Variants in RSPO1 observed in about 807,000 individuals in gnomAD.
The protein encoded by RSPO1 is R-spondin 1.
RSPO1 carries 18 observed loss-of-function variants against 26.0 expected under a neutral mutation model. That is an observed-to-expected ratio of 0.69 (90% confidence interval 0.48 to 1.03). RSPO1 has a LOEUF of 1.03. Among genes scored for constraint, RSPO1 ranks in the 50% least tolerant of loss-of-function variants. The probability of loss-of-function intolerance (pLI) is 0.00; values close to 1 mark genes in which losing one functional copy is unlikely to be tolerated. For missense variants in RSPO1, 309 were observed against 352.3 expected, an observed-to-expected ratio of 0.88 and a Z score of 0.98; for synonymous variants, 133 against 137.4, an observed-to-expected ratio of 0.97 and a Z score of 0.22.
At chr1:37,619,421 C>T (rs1425357284) in intron 3 of RSPO1, among the ~76,000 whole-genome samples, 1 of 152,268 alleles carries the variant, frequency 6.6e-6, no homozygotes, top group African/African-American at 2.4e-5. Flanking sequence ...TCCTGGATGT[C>T]GTGTGCTTCC....
chr1:37,616,466 A>G lies in RSPO1; in HGVS notation c.286+18T>C. On this transcript the variant is annotated intron_variant, in intron 4 of 6. Coordinates refer to ENST00000356545, the MANE Select transcript of RSPO1 (RefSeq NM_001242908.2). ...GCTTCTAATGCCCCCTGCCCCCGAC[A>G]GCCCTGCCCACACTCACTGATGCAC... The G allele has an allele frequency of 6.2e-7, 1 of 1,613,122 alleles. No individual in the cohort carries two copies. The highest frequency in any genetic ancestry group is 1.1e-5 in the South Asian group (1 of 91,034).
intron 3 of RSPO1, among the ~76,000 whole-genome samples, chr1:37,623,753 T>C (rs1570113174): frequency 6.8e-6 from 1 of 147,984 alleles, no homozygotes; most frequent in Non-Finnish European, 1.5e-5. Context: ...ATATATTCTC[T>C]CTCCCTCTCT....
intron 3 of RSPO1, among the ~76,000 whole-genome samples, chr1:37,618,357 G>T (rs1644149041): frequency 6.6e-6 from 1 of 152,214 alleles, no homozygotes; most frequent in South Asian, 2.1e-4. Flanking sequence ...CTCTCTGAGG[G>T]GGGACAGAGT....
chr1:37,613,559 C>G lies in RSPO1; in HGVS notation c.625+145G>C. The G allele has an allele frequency of 4.3e-6, 3 of 703,766 alleles. No homozygotes were observed. The highest frequency in any genetic ancestry group is 5.1e-6 in the Non-Finnish European group (2 of 392,146). The allele number at this position is 703,766 out of a possible 1,614,324, so 43.6% of individuals were successfully genotyped here. On this transcript the variant is annotated intron_variant, in intron 6 of 6. Transcript: ENST00000356545. The surrounding 1 kb of genome is among the most constrained non-coding windows in gnomAD (Gnocchi z 4.5). ...GCCAGGACATGGCATCTGGATTGGACAGCATGAGGTCTTGAGTTGCGGGTG... is the reference window on the plus strand; with the variant it reads ...GCCAGGACATGGCATCTGGATTGGAGAGCATGAGGTCTTGAGTTGCGGGTG...
rs77617384 is a variant in RSPO1, at chr1:37,615,798, A to G, written c.286+686T>C. ...TGGAGCTGTAGCTGTTGTGGAAATG[A>G]GGAGTCAGAAGACCAGGGAGAGAAG... On this transcript the variant is annotated intron_variant, in intron 4 of 6. Coordinates refer to ENST00000356545, the MANE Select transcript of RSPO1 (RefSeq NM_001242908.2). 3.5e-3 allele frequency among the ~76,000 whole-genome samples: 539 copies of G among 152,312 alleles called. 1 individual carries two copies. The highest frequency in any genetic ancestry group is 0.012 in the African/African-American group (508 of 41,558).
intron 2 of RSPO1, among the ~76,000 whole-genome samples, chr1:37,630,176 C>T (rs1241888640): frequency 6.6e-6 from 1 of 152,206 alleles, no homozygotes; most frequent in East Asian, 1.9e-4. Context: ...GACATTCAAA[C>T]CAAACTTGTG....
In RSPO1 at chr1:37,629,884, G is replaced by T; in HGVS notation, c.-223C>A. 1 of 1,550,072 alleles carries T rather than the reference G, an allele frequency of 6.5e-7. No homozygotes were observed. Among genetic ancestry groups the T allele is most frequent in the Non-Finnish European group, 8.7e-7 (1 of 1,146,428 alleles). ...GTCCTCAAAGAGAGACTTCCTCAAAGATACCTCGGAATATCATATGAGAGA... is the reference window on the plus strand; with the variant it reads ...GTCCTCAAAGAGAGACTTCCTCAAATATACCTCGGAATATCATATGAGAGA... On this transcript the variant is annotated 5_prime_UTR_variant, in exon 3 of 7. Coordinates refer to ENST00000356545, the MANE Select transcript of RSPO1 (RefSeq NM_001242908.2).
intron 3 of RSPO1, among the ~76,000 whole-genome samples, chr1:37,628,976 C>T (rs1037172224): frequency 7.2e-5 from 11 of 152,286 alleles, no homozygotes; most frequent in African/African-American, 2.6e-4. Context: ...CGGGCCAGAC[C>T]CCTGCCTGCT....
Position 37,629,617 on chromosome 1 carries a change from C to T in RSPO1, c.45G>A (p.Thr15=), listed in dbSNP as rs373246338. 362 of 1,613,984 alleles carry T rather than the reference C, an allele frequency of 2.2e-4. 1 individual carries two copies. The highest frequency in any genetic ancestry group is 2.8e-4 in the Non-Finnish European group (333 of 1,180,030). ...LCVVALVLSW[T]HLTISSRGIK... ...TCCCCCGGCTGCTGATGGTGAGGTG[C>T]GTCCAGCTCAGAACCAGGGCCACCA... The change falls in exon 3 of 7, where the codon ACG becomes ACA. Residue 15 remains threonine (T), a synonymous_variant. Coordinates refer to ENST00000356545, the MANE Select transcript of RSPO1 (RefSeq NM_001242908.2).
chr1:37,624,733 A>G (rs1644252431), intron 3 of RSPO1, among the ~76,000 whole-genome samples: 1 of 152,112 alleles, frequency 6.6e-6, no homozygotes, highest in African/African-American at 2.4e-5. Flanking sequence ...CATCCCCAGG[A>G]ATCTTTCTTA....
intron 1 of RSPO1, among the ~76,000 whole-genome samples, chr1:37,632,633 C>G (rs1375038625): frequency 2.0e-5 from 3 of 152,168 alleles, no homozygotes; most frequent in Non-Finnish European, 4.4e-5. Flanking sequence ...TTCTGATTTT[C>G]TAAAAGAGGA....
At position 37,629,899 on chromosome 1, in the gene RSPO1, C is replaced by A; in HGVS notation, c.-238G>T. 1 of 1,547,922 alleles carries A rather than the reference C, an allele frequency of 6.5e-7. No homozygotes were observed. Among genetic ancestry groups the A allele is most frequent in the Non-Finnish European group, 8.7e-7 (1 of 1,144,492 alleles). On this transcript the variant is annotated 5_prime_UTR_variant, in exon 3 of 7. It removes an upstream start codon present in the reference 5' UTR. Transcript: ENST00000356545. Reference sequence around the variant, plus strand: ...CTTCCTCAAAGATACCTCGGAATATCATATGAGAGATCTTTTTGTCACGTC... The same window carrying A: ...CTTCCTCAAAGATACCTCGGAATATAATATGAGAGATCTTTTTGTCACGTC...
In RSPO1 at chr1:37,613,141, C is replaced by G. The variant is rs74065180; in HGVS notation, c.626-220G>C. Reference sequence around the variant, plus strand: ...AGTACTGGGAGGCAGCCCAAGAGCCCTTTCACTCCCCAACCCTCAAGGCAC... The same window carrying G: ...AGTACTGGGAGGCAGCCCAAGAGCCGTTTCACTCCCCAACCCTCAAGGCAC... On this transcript the variant is annotated intron_variant, in intron 6 of 6. Coordinates refer to ENST00000356545, the MANE Select transcript of RSPO1 (RefSeq NM_001242908.2). This position sits in a 1 kb window ranked among gnomAD's most constrained non-coding sequence, Gnocchi z 4.5. Among the ~76,000 whole-genome samples, 1 of 152,322 alleles carries G rather than the reference C, an allele frequency of 6.6e-6. No individual in the cohort carries two copies. The highest frequency in any genetic ancestry group is 2.4e-5 in the African/African-American group (1 of 41,578).
intron 3 of RSPO1, among the ~76,000 whole-genome samples, chr1:37,621,386 G>A (rs1644200539): frequency 6.6e-6 from 1 of 152,216 alleles, no homozygotes; most frequent in Admixed American, 6.5e-5. Context: ...GGGCAAGAGT[G>A]GAGACAGGAA....
At chr1:37,630,802 C>T (rs1045997571) in intron 2 of RSPO1, among the ~76,000 whole-genome samples, 4 of 152,188 alleles carry the variant, frequency 2.6e-5, no homozygotes, top group Non-Finnish European at 5.9e-5. Flanking sequence ...GGTTCTTCCA[C>T]AGCAGCGGCC....
At chr1:37,633,685 T>C (rs941357218) in intron 1 of RSPO1, among the ~76,000 whole-genome samples, 1 of 151,940 alleles carries the variant, frequency 6.6e-6, no homozygotes, top group Non-Finnish European at 1.5e-5. Context: ...ACAAAGTATG[T>C]GCCTGTCCGA....
chr1:37,619,640 T>TTA (rs1190739692), intron 3 of RSPO1, among the ~76,000 whole-genome samples: 1 of 152,228 alleles, frequency 6.6e-6, no homozygotes, highest in Non-Finnish European at 1.5e-5. Flanking sequence ...TGTTGAGCAC[T>TTA]TACTCTGTGG....
rs968820719 is a variant in RSPO1, at chr1:37,634,657, G to C, written c.-447C>G. 2 of 152,296 alleles carry C rather than the reference G, an allele frequency of 1.3e-5. No homozygotes were observed. The highest frequency in any genetic ancestry group is 4.8e-5 in the African/African-American group (2 of 41,452). 9.4% of individuals were successfully genotyped at this position (152,296 alleles called of 1,614,324 possible). A position where few individuals can be genotyped will look rare whatever the true frequency, so the allele number is the denominator to read the frequency against. ...CGCTGCGGGACTGTCCTGGGCGCCC[G>C]GCTCGCCTGCGCTCCGCCCGCCCGT... On this transcript the variant is annotated 5_prime_UTR_variant, in exon 1 of 7. Coordinates refer to ENST00000356545, the MANE Select transcript of RSPO1 (RefSeq NM_001242908.2). This position sits in a 1 kb window ranked among gnomAD's most constrained non-coding sequence, Gnocchi z 4.7.
Position 37,621,561 on chromosome 1 carries a change from C to T in RSPO1, c.95-4886G>A, listed in dbSNP as rs188958889. Among the ~76,000 whole-genome samples the T allele has an allele frequency of 5.1e-3, 777 of 152,034 alleles. 10 individuals are homozygous for T. Among genetic ancestry groups the T allele is most frequent in the African/African-American group, 0.018 (741 of 41,462 alleles). On this transcript the variant is annotated intron_variant, in intron 3 of 6. Transcript: ENST00000356545. ...GGCAAGGTGACCTCGAGATGCTGGG[C>T]TTGTGTAACAGCCCTTCCCTGGGAG...
Sources: allele counts gnomAD v4.1 joint callset (sites outside exome capture counted in the v4.1 genomes callset), GRCh38; gene constraint gnomAD v4.1.1; non-coding constraint Gnocchi (gnomAD v3.1); transcripts MANE v1.5; gene names NCBI Gene and HGNC (gene_info 2026-07-23, HGNC 2026-07-21).